The following RNF2 variants were observed in gnomAD, a reference collection of about 807,000 sequenced individuals.
RNF2 encodes the protein ring finger protein 2, also known as E3 ubiquitin-protein ligase RING2.
In RNF2, 6 loss-of-function variants were observed where a neutral mutation model predicts 37.2. That is an observed-to-expected ratio of 0.16 (90% CI 0.09 to 0.32). The LOEUF (loss-of-function observed/expected upper bound fraction) is 0.32. Ranked by LOEUF, RNF2 falls within the 10% of genes least tolerant of loss-of-function variation. The probability of loss-of-function intolerance (pLI) is 1.00; values close to 1 mark genes in which losing one functional copy is unlikely to be tolerated. For synonymous variants in RNF2, 133 were observed against 132.7 expected (o/e 1.00, Z -0.02); for missense variants, 251 against 404.0 (o/e 0.62, Z 3.25).
chr1:185,077,152 T>A lies in RNF2; in HGVS notation c.-2-10400T>A, dbSNP rs114442839. On this transcript the variant is annotated intron_variant, in intron 1 of 6. Coordinates refer to ENST00000367510, the MANE Select transcript of RNF2 (RefSeq NM_007212.4). ...ACTGTAGCCTTTTTGGCATTTTTTT[T>A]ATCTTCATTCCACCATGTTACTGCT... 3.5e-3 allele frequency among the ~76,000 whole-genome samples: 526 copies of A among 152,326 alleles called. 4 individuals carry two copies. The highest frequency in any genetic ancestry group is 0.012 in the African/African-American group (494 of 41,560).
intron 1 of RNF2, among the ~76,000 whole-genome samples, chr1:185,079,231 T>C (rs1384787758): frequency 6.6e-6 from 1 of 152,156 alleles, no homozygotes; most frequent in Non-Finnish European, 1.5e-5. Flanking sequence ...GGATATATCT[T>C]TTTTTCAGAA....
chr1:185,084,755 A>C (rs919052361), intron 1 of RNF2, among the ~76,000 whole-genome samples: 1 of 152,260 alleles, frequency 6.6e-6, no homozygotes, highest in African/African-American at 2.4e-5. Context: ...TAGGATTATA[A>C]GAATGCATAT....
intron 1 of RNF2, among the ~76,000 whole-genome samples, chr1:185,074,982 C>CGTGTGT (rs368232686): frequency 6.6e-6 from 1 of 151,142 alleles, no homozygotes; most frequent in Non-Finnish European, 1.5e-5. Flanking sequence ...TATATAGTTC[C>CGTGTGT]GTGTGTGTGT....
chr1:185,079,799 G>A (rs564453423), intron 1 of RNF2, among the ~76,000 whole-genome samples: 37 of 152,222 alleles, frequency 2.4e-4, no homozygotes, highest in African/African-American at 8.9e-4. Context: ...TGTGGTGCTG[G>A]GCGCCTTGTA....
chr1:185,063,764 G>A (rs1379179464), intron 1 of RNF2, among the ~76,000 whole-genome samples: 1 of 152,092 alleles, frequency 6.6e-6, no homozygotes, highest in Non-Finnish European at 1.5e-5. Flanking sequence ...CTAACTTCTG[G>A]AGGTTACCTG....
intron 4 of RNF2, among the ~76,000 whole-genome samples, chr1:185,097,244 T>C (rs1179930401): frequency 2.0e-5 from 3 of 152,212 alleles, no homozygotes; most frequent in Non-Finnish European, 4.4e-5. Context: ...TCTGAGCTTG[T>C]TAGAGAGCAG....
chr1:185,078,898 G>A (rs1449745645), intron 1 of RNF2, among the ~76,000 whole-genome samples: 2 of 152,142 alleles, frequency 1.3e-5, no homozygotes, highest in African/African-American at 4.8e-5. Flanking sequence ...ACAAAAATTT[G>A]CCAGGCATGG....
chr1:185,071,156 C>G (rs1650960626), intron 1 of RNF2, among the ~76,000 whole-genome samples: 1 of 152,106 alleles, frequency 6.6e-6, no homozygotes, highest in South Asian at 2.1e-4. Flanking sequence ...TAAATCTATA[C>G]TTTACATATG....
chr1:185,067,787 G>A (rs1263661775), intron 1 of RNF2, among the ~76,000 whole-genome samples: 1 of 141,090 alleles, frequency 7.1e-6, no homozygotes, highest in African/African-American at 2.7e-5. Flanking sequence ...CTCGGCTCTC[G>A]GCAACCTCTG....
At chr1:185,091,816 TTC>T (rs945719524) in intron 3 of RNF2, 77 bp downstream of exon 3, 8 of 1,388,588 alleles carry the variant, frequency 5.8e-6, no homozygotes, top group Middle Eastern at 3.7e-4. Context: ...GAAATACATT[TTC>T]TTTTTTTTTT....
chr1:185,091,542 T>C, intron 2 of RNF2, 37 bp from the exon 3 acceptor site: 1 of 1,600,860 alleles, frequency 6.2e-7, no homozygotes, highest in Non-Finnish European at 8.5e-7. Flanking sequence ...TAATAAAAAA[T>C]TAAGTAGCTT....
intron 2 of RNF2, among the ~76,000 whole-genome samples, chr1:185,088,364 C>T (rs1651663655): frequency 2.0e-5 from 3 of 151,922 alleles, no homozygotes. Flanking sequence ...TAAAGGAAGC[C>T]TTACCAACAT....
At chr1:185,063,417 C>G (rs1650670284) in intron 1 of RNF2, among the ~76,000 whole-genome samples, 1 of 152,156 alleles carries the variant, frequency 6.6e-6, no homozygotes, top group Non-Finnish European at 1.5e-5. Context: ...GATTTGAGAA[C>G]TACTTCTCTA....
At chr1:185,093,783 C>G (rs904818163) in intron 4 of RNF2, among the ~76,000 whole-genome samples, 1 of 152,154 alleles carries the variant, frequency 6.6e-6, no homozygotes, top group African/African-American at 2.4e-5. Context: ...ATTAACTGTT[C>G]CTTTACTTGT....
intron 1 of RNF2, among the ~76,000 whole-genome samples, chr1:185,050,682 G>A (rs769923336): frequency 6.6e-6 from 1 of 152,168 alleles, no homozygotes; most frequent in Admixed American, 6.5e-5. Flanking sequence ...TTTGGGTAAA[G>A]TGTTACTTGA....
At chr1:185,068,527 T>G (rs549209858) in intron 1 of RNF2, among the ~76,000 whole-genome samples, 1 of 151,618 alleles carries the variant, frequency 6.6e-6, no homozygotes, top group Admixed American at 6.6e-5. Flanking sequence ...CAGATTGGAG[T>G]GATATGGTCA....
chr1:185,053,382 C>G (rs556638004), intron 1 of RNF2, among the ~76,000 whole-genome samples: 11 of 151,700 alleles, frequency 7.3e-5, no homozygotes, highest in African/African-American at 2.7e-4. Context: ...GTTGCCCAGG[C>G]TGGAGTGCAG....
At chr1:185,082,668 T>C (rs1284489673) in intron 1 of RNF2, among the ~76,000 whole-genome samples, 1 of 152,116 alleles carries the variant, frequency 6.6e-6, no homozygotes, top group Non-Finnish European at 1.5e-5. Flanking sequence ...AGAACTTCTT[T>C]CTTGGACCAC....
At chr1:185,049,690 AG>A (rs1005095842) in intron 1 of RNF2, among the ~76,000 whole-genome samples, 2 of 148,918 alleles carry the variant, frequency 1.3e-5, no homozygotes, top group Admixed American at 6.7e-5. Context: ...AAAGCGGGGG[AG>A]GGGGGAACAT....
Sources: allele counts gnomAD v4.1 joint callset (sites outside exome capture counted in the v4.1 genomes callset), GRCh38; gene constraint gnomAD v4.1.1; transcripts MANE v1.5; gene names NCBI Gene and HGNC (gene_info 2026-07-23, HGNC 2026-07-21).